Variants in KAZN observed in about 807,000 individuals in gnomAD.
The protein encoded by KAZN is kazrin, periplakin interacting protein, also known as kazrin.
In KAZN, 40 loss-of-function variants were observed where a neutral mutation model predicts 87.4. The ratio of observed to expected loss-of-function variants is 0.46; its 90% CI spans 0.36 to 0.60. The LOEUF is 0.60. Ranked by LOEUF, KAZN falls within the 20% of genes least tolerant of loss-of-function variation. The probability of loss-of-function intolerance (pLI) is 0.00; values close to 1 mark genes in which losing one functional copy is unlikely to be tolerated. For synonymous variants in KAZN, 466 were observed against 458.3 expected (o/e 1.02, Z -0.22); for missense variants, 898 against 1,073.9 (o/e 0.84, Z 2.29).
intron 2 of KAZN, among the ~76,000 whole-genome samples, chr1:14,510,597 A>T (rs895762933): frequency 6.6e-6 from 1 of 152,232 alleles, no homozygotes; most frequent in Non-Finnish European, 1.5e-5. Flanking sequence ...TGATTCTGAG[A>T]ACACTGTAAA....
chr1:13,948,216 C>T (rs1186214276), intron 1 of KAZN, among the ~76,000 whole-genome samples: 5 of 152,152 alleles, frequency 3.3e-5, no homozygotes, highest in Admixed American at 1.3e-4. Context: ...GAACCACCTT[C>T]ATATGGTTTG....
At chr1:14,841,849 T>C (rs1648057790) in intron 1 of KAZN, among the ~76,000 whole-genome samples, 1 of 152,248 alleles carries the variant, frequency 6.6e-6, no homozygotes, top group Admixed American at 6.5e-5. Context: ...CATTTCATCT[T>C]TTCTACTCAT....
At chr1:14,612,870 C>T (rs1052744094) in intron 1 of KAZN, among the ~76,000 whole-genome samples, 8 of 152,188 alleles carry the variant, frequency 5.3e-5, no homozygotes, top group Admixed American at 5.2e-4. Flanking sequence ...TGGAGTTTAG[C>T]AGACTTTGGG....
At chr1:14,567,440 G>T (rs1674610245) in intron 2 of KAZN, among the ~76,000 whole-genome samples, 1 of 152,274 alleles carries the variant, frequency 6.6e-6, no homozygotes, top group South Asian at 2.1e-4. Flanking sequence ...ACCACAATGT[G>T]ATACAGAGAC....
At chr1:14,501,584 C>T (rs1670257099) in intron 2 of KAZN, among the ~76,000 whole-genome samples, 1 of 152,140 alleles carries the variant, frequency 6.6e-6, no homozygotes. Context: ...ATAAAGTCAA[C>T]AACAGAGGTG....
intron 2 of KAZN, among the ~76,000 whole-genome samples, chr1:14,532,254 A>G (rs1672245524): frequency 6.6e-6 from 1 of 152,014 alleles, no homozygotes; most frequent in Non-Finnish European, 1.5e-5. Context: ...CAAAGCCCAG[A>G]GTCCAGGGTC....
Position 15,066,056 on chromosome 1 carries a change from G to A in KAZN, c.1222+303G>A. On this transcript the variant is annotated intron_variant, in intron 8 of 14. Transcript: ENST00000376030. The surrounding 1 kb of genome is among the most constrained non-coding windows in gnomAD (Gnocchi z 4.3). ...ACCTGTCAACTCTCTGTCGTCTTTGGAGCGATACAGTTGTGTTGTTAATCT... is the reference window on the plus strand; with the variant it reads ...ACCTGTCAACTCTCTGTCGTCTTTGAAGCGATACAGTTGTGTTGTTAATCT... 5 of 1,213,968 alleles carry A rather than the reference G, an allele frequency of 4.1e-6. No individual in the cohort carries two copies. Among genetic ancestry groups the A allele is most frequent in the East Asian group, 6.9e-5 (2 of 29,082 alleles). The allele number at this position is 1,213,968 out of a possible 1,614,324, so 75.2% of individuals were successfully genotyped here. A position where few individuals can be genotyped will look rare whatever the true frequency, so the allele number is the denominator to read the frequency against.
At chr1:14,876,225 A>G (rs60358767) in intron 1 of KAZN, among the ~76,000 whole-genome samples, 1,986 of 152,290 alleles carry the variant, frequency 0.013, 44 homozygotes, top group African/African-American at 0.045. Context: ...CCTGTCCTCA[A>G]TCTGATCTGC....
At position 14,979,961 on chromosome 1, in the gene KAZN, G is replaced by A. The variant is rs140189498; in HGVS notation, c.418+19086G>A. On this transcript the variant is annotated intron_variant, in intron 2 of 14. Transcript: ENST00000376030. Reference sequence around the variant, plus strand: ...TGGAGTATAGTGGCGCAGTCTCGGCGCACTGCAACCTCCACCTCCTGGATT... The same window carrying A: ...TGGAGTATAGTGGCGCAGTCTCGGCACACTGCAACCTCCACCTCCTGGATT... 2.9e-3 allele frequency among the ~76,000 whole-genome samples: 443 copies of A among 152,130 alleles called. 1 individual carries two copies. Among genetic ancestry groups the A allele is most frequent in the African/African-American group, 9.9e-3 (410 of 41,496 alleles).
At chr1:14,711,805 G>A (rs1642501529) in intron 1 of KAZN, among the ~76,000 whole-genome samples, 1 of 152,202 alleles carries the variant, frequency 6.6e-6, no homozygotes, top group South Asian at 2.1e-4. Flanking sequence ...CTGACACCTT[G>A]CAGCCTGTGA....
At chr1:14,496,797 G>A (rs1005959473) in intron 2 of KAZN, among the ~76,000 whole-genome samples, 5 of 151,584 alleles carry the variant, frequency 3.3e-5, no homozygotes, top group Non-Finnish European at 7.4e-5. Context: ...ATATTCACAT[G>A]TACATTCTTA....
At chr1:14,371,856 G>C (rs1040054104) in intron 2 of KAZN, among the ~76,000 whole-genome samples, 16 of 152,198 alleles carry the variant, frequency 1.1e-4, no homozygotes, top group African/African-American at 3.6e-4. Flanking sequence ...CCTCATGAAA[G>C]ATGTAGTTAG....
rs559776634 is a variant in KAZN, at chr1:13,952,527, G to A, written c.91+58771G>A. Among the ~76,000 whole-genome samples the A allele has an allele frequency of 2.6e-3, 403 of 152,162 alleles. 2 individuals carry two copies. The highest frequency in any genetic ancestry group is 8.7e-3 in the African/African-American group (362 of 41,522). On this transcript the variant is annotated intron_variant, in intron 1 of 16. Transcript: ENST00000636203. The stretch of plus-strand genomic sequence containing the variant: ...CTCCTCTCACCCCTTACATGGAGGT[G>A]AATTTTGGCTTTATTGACTCAGGGA...
chr1:14,350,099 A>C (rs949640299), intron 2 of KAZN, among the ~76,000 whole-genome samples: 2 of 144,272 alleles, frequency 1.4e-5, no homozygotes, highest in African/African-American at 5.2e-5. Context: ...GCGCCACTGC[A>C]CTCCAGCCTG....
chr1:14,347,816 T>C (rs1182969738), intron 2 of KAZN, among the ~76,000 whole-genome samples: 1 of 152,118 alleles, frequency 6.6e-6, no homozygotes, highest in Non-Finnish European at 1.5e-5. Flanking sequence ...ATGTTCTCTT[T>C]GATTATCTGT....
At chr1:14,964,442 C>T (rs1482536898) in intron 2 of KAZN, among the ~76,000 whole-genome samples, 1 of 152,116 alleles carries the variant, frequency 6.6e-6, no homozygotes, top group African/African-American at 2.4e-5. Context: ...TGAGCCCATC[C>T]AAGCTCAAGG....
chr1:14,405,354 G>T (rs901900985), intron 2 of KAZN, among the ~76,000 whole-genome samples: 2 of 152,118 alleles, frequency 1.3e-5, no homozygotes, highest in Non-Finnish European at 1.5e-5. Context: ...TTGAAACCAA[G>T]AAATCATATA....
intron 2 of KAZN, among the ~76,000 whole-genome samples, chr1:14,560,726 T>C (rs762807536): frequency 1.3e-5 from 2 of 151,662 alleles, no homozygotes; most frequent in African/African-American, 2.4e-5. Context: ...ATAATGATGA[T>C]GTGAAGAAGG....
chr1:14,613,447 A>T (rs1267808585), intron 1 of KAZN, among the ~76,000 whole-genome samples: 2 of 152,152 alleles, frequency 1.3e-5, no homozygotes, highest in Non-Finnish European at 2.9e-5. Flanking sequence ...TAACATCTGG[A>T]TTTCATGTTT....
Sources: allele counts gnomAD v4.1 joint callset (sites outside exome capture counted in the v4.1 genomes callset), GRCh38; gene constraint gnomAD v4.1.1; non-coding constraint Gnocchi (gnomAD v3.1); transcripts MANE v1.5; gene names NCBI Gene and HGNC (gene_info 2026-07-23, HGNC 2026-07-21).